Variants in PLCB1 observed in about 807,000 individuals in gnomAD.
PLCB1 encodes the protein 1-phosphatidylinositol 4,5-bisphosphate phosphodiesterase beta-1.
PLCB1 carries 46 observed loss-of-function variants against 161.8 expected under a neutral mutation model. That is an observed-to-expected ratio of 0.28 (90% CI 0.22 to 0.36). The LOEUF (loss-of-function observed/expected upper bound fraction) is 0.36. PLCB1 is among the 10% of genes least tolerant of loss of function. The probability of loss-of-function intolerance (pLI) is 1.00; values close to 1 mark genes in which losing one functional copy is unlikely to be tolerated. For missense variants in PLCB1, 1,016 were observed against 1,472.5 expected (o/e 0.69, Z 5.07); for synonymous variants, 517 against 503.7 (o/e 1.03, Z -0.35).
At chr20:8,237,625 A>T (rs904666952) in intron 2 of PLCB1, among the ~76,000 whole-genome samples, 1 of 152,120 alleles carries the variant, frequency 6.6e-6, no homozygotes, top group Admixed American at 6.6e-5. Flanking sequence ...AAATGAAATA[A>T]TTATAACTAT....
At chr20:8,878,319 TTGA>T (rs546767705) in intron 31 of PLCB1, among the ~76,000 whole-genome samples, 180 of 152,070 alleles carry the variant, frequency 1.2e-3, no homozygotes, top group Admixed American at 3.4e-3. Context: ...TTGAGGTGAA[TTGA>T]TGATGAGGTC....
chr20:8,836,832 A>T (rs1213506296), intron 31 of PLCB1, among the ~76,000 whole-genome samples: 2 of 152,314 alleles, frequency 1.3e-5, no homozygotes, highest in East Asian at 3.9e-4. Flanking sequence ...CAAATGCTGC[A>T]TACATGATCT....
intron 31 of PLCB1, among the ~76,000 whole-genome samples, chr20:8,825,763 C>T (rs373599232): frequency 3.3e-5 from 5 of 152,042 alleles, no homozygotes; most frequent in East Asian, 3.9e-4. Flanking sequence ...AAGGGGCAAG[C>T]GGGTTGCAAA....
intron 3 of PLCB1, among the ~76,000 whole-genome samples, chr20:8,386,300 T>C (rs1382331860): frequency 2.0e-5 from 3 of 152,180 alleles, no homozygotes; most frequent in Admixed American, 6.5e-5. Context: ...GATTTGAAAG[T>C]CAAATTTATT....
chr20:8,350,069 ACTT>A (rs1986134103), intron 2 of PLCB1, among the ~76,000 whole-genome samples: 1 of 152,180 alleles, frequency 6.6e-6, no homozygotes, highest in African/African-American at 2.4e-5. Context: ...AACAATTGGA[ACTT>A]GAAATTTCTT....
intron 2 of PLCB1, among the ~76,000 whole-genome samples, chr20:8,362,799 A>T (rs1004230852): frequency 1.3e-5 from 2 of 152,202 alleles, no homozygotes; most frequent in Admixed American, 6.5e-5. Context: ...CATATACGTG[A>T]AAAAAGACTT....
intron 3 of PLCB1, among the ~76,000 whole-genome samples, chr20:8,577,665 A>T (rs1986718379): frequency 6.6e-6 from 1 of 152,168 alleles, no homozygotes. Flanking sequence ...AATAAATTTT[A>T]AAAGCTAGAG....
intron 3 of PLCB1, among the ~76,000 whole-genome samples, chr20:8,402,837 T>G (rs1005600202): frequency 6.6e-6 from 1 of 151,958 alleles, no homozygotes; most frequent in African/African-American, 2.4e-5. Context: ...AGAGCAAGAC[T>G]CCATCTCAAA....
chr20:8,500,287 T>A (rs1314446740), intron 3 of PLCB1, among the ~76,000 whole-genome samples: 1 of 152,156 alleles, frequency 6.6e-6, no homozygotes, highest in East Asian at 1.9e-4. Flanking sequence ...CCATACGAAT[T>A]GGTCTCTTTG....
At chr20:8,820,101 T>C (rs1312640670) in intron 31 of PLCB1, among the ~76,000 whole-genome samples, 2 of 147,438 alleles carry the variant, frequency 1.4e-5, no homozygotes, top group African/African-American at 5.0e-5. Flanking sequence ...TTATGTTTTA[T>C]TTATGTTTTT....
chr20:8,492,762 A>AT (rs1314652398), intron 3 of PLCB1, among the ~76,000 whole-genome samples: 1 of 151,248 alleles, frequency 6.6e-6, no homozygotes, highest in African/African-American at 2.4e-5. Flanking sequence ...CCAGAGGTAG[A>AT]TTTTTCTTAT....
chr20:8,190,827 G>A (rs1183423715), intron 2 of PLCB1, among the ~76,000 whole-genome samples: 1 of 152,068 alleles, frequency 6.6e-6, no homozygotes, highest in East Asian at 1.9e-4. Context: ...TTCACTCAAG[G>A]TCATTCTGCA....
At chr20:8,704,326 C>T (rs1978542183) in intron 11 of PLCB1, among the ~76,000 whole-genome samples, 1 of 151,608 alleles carries the variant, frequency 6.6e-6, no homozygotes, top group Admixed American at 6.6e-5. Context: ...AGCACTCCAG[C>T]CTGGGCAACA....
At chr20:8,677,112 G>A (rs1343285309) in intron 9 of PLCB1, among the ~76,000 whole-genome samples, 2 of 152,162 alleles carry the variant, frequency 1.3e-5, no homozygotes, top group African/African-American at 4.8e-5. Flanking sequence ...TTTAAAATCC[G>A]GTCAGGCATG....
At chr20:8,224,488 CTTTTG>C (rs1979574845) in intron 2 of PLCB1, among the ~76,000 whole-genome samples, 3 of 152,160 alleles carry the variant, frequency 2.0e-5, no homozygotes, top group Admixed American at 6.5e-5. Context: ...ATTTTGAAAT[CTTTTG>C]TTTTGTGAAG....
chr20:8,147,230 G>T (rs56842126), intron 1 of PLCB1, among the ~76,000 whole-genome samples: 62,606 of 151,998 alleles, frequency 0.41, 12,950 homozygotes, highest in Middle Eastern at 0.43. Context: ...TGGAGAAAGA[G>T]CCCAGCAATC....
At chr20:8,654,933 T>C (rs1989416524) in intron 7 of PLCB1, among the ~76,000 whole-genome samples, 1 of 152,058 alleles carries the variant, frequency 6.6e-6, no homozygotes, top group South Asian at 2.1e-4. Flanking sequence ...TTTTAACTCC[T>C]CTTTATGGAA....
At chr20:8,300,067 C>A (rs1189810328) in intron 2 of PLCB1, among the ~76,000 whole-genome samples, 2 of 152,120 alleles carry the variant, frequency 1.3e-5, no homozygotes, top group African/African-American at 4.8e-5. Context: ...TGAGCTCACT[C>A]ACATGTCTGG....
chr20:8,473,071 T>C lies in PLCB1; in HGVS notation c.246+101621T>C, dbSNP rs115949102. 9.6e-3 allele frequency among the ~76,000 whole-genome samples: 1,461 copies of C among 152,244 alleles called. 25 individuals are homozygous for C. The highest frequency in any genetic ancestry group is 0.033 in the African/African-American group (1,358 of 41,534). Reference sequence around the variant, plus strand: ...GTCACCAGTGGAAGGTTTCTGTGAATGTGACTCTAGCTCTAACTCTGTGAG... The same window carrying C: ...GTCACCAGTGGAAGGTTTCTGTGAACGTGACTCTAGCTCTAACTCTGTGAG... On this transcript the variant is annotated intron_variant, in intron 3 of 31. Coordinates refer to ENST00000338037, the MANE Select transcript of PLCB1 (RefSeq NM_015192.4).
Sources: gnomAD v4.1 joint callset for allele counts (sites outside exome capture counted in the v4.1 genomes callset) on GRCh38, gnomAD v4.1.1 for gene constraint, MANE v1.5 for transcripts, NCBI Gene and HGNC (gene_info 2026-07-23, HGNC 2026-07-21) for gene names.